Variants in ITGA2B observed in about 807,000 individuals in gnomAD.
ITGA2B encodes integrin subunit alpha 2b.
A neutral mutation model predicts 142.0 loss-of-function variants in ITGA2B; 91 were observed. The ratio of observed to expected loss-of-function variants is 0.64; its 90% CI spans 0.54 to 0.76. ITGA2B has a LOEUF of 0.76. Among genes scored for constraint, ITGA2B ranks in the 30% least tolerant of loss-of-function variants. The probability of loss-of-function intolerance (pLI) is 0.00; values close to 1 mark genes in which losing one functional copy is unlikely to be tolerated. For missense variants in ITGA2B, 1,231 were observed against 1,350.8 expected, an observed-to-expected ratio of 0.91 and a Z score of 1.39; for synonymous variants, 536 against 567.2, an observed-to-expected ratio of 0.94 and a Z score of 0.78.
Position 44,385,259 on chromosome 17 carries a change from C to G in ITGA2B, c.624+27G>C, listed in dbSNP as rs774154224. 58 of 1,613,652 alleles carry G rather than the reference C, an allele frequency of 3.6e-5. 1 individual carries two copies. The South Asian group carries it at 5.8e-4, about 16-fold the overall frequency. On this transcript the variant is annotated intron_variant, in intron 5 of 29. Transcript: ENST00000262407. The stretch of plus-strand genomic sequence containing the variant: ...GAGGGGGCCCTGTTTGGGAGCCGCC[C>G]CCACTGCGCTTTTGCTCCCTACTCG...
intron 1 of ITGA2B, 23 bp from the exon 2 acceptor site, chr17:44,386,154 C>T (rs1213191004): frequency 6.4e-7 from 1 of 1,572,440 alleles, no homozygotes; most frequent in South Asian, 1.1e-5. Context: ...GCTGGGTGAG[C>T]GCCGCGCAGA....
Position 44,377,017 on chromosome 17 carries a change from C to G in ITGA2B, c.2259G>C (p.Gln753His). The change falls in exon 22 of 30, where the codon CAG becomes CAC. Residue 753 changes from glutamine (Q) to histidine (H), a missense_variant. By Grantham distance (24) the Gln-to-His change is conservative. Transcript: ENST00000262407. ...GCTCGCCAGGTCAGTACCTCCGTATCTGCAGCTGGAAGGACACAGACTCCC... is the reference window on the plus strand; with the variant it reads ...GCTCGCCAGGTCAGTACCTCCGTATGTGCAGCTGGAAGGACACAGACTCCC... ...EAGESVSFQL[Q>H]IRSKNSQNPN... is the part of the protein sequence containing the mutation. 1 of 1,590,522 alleles carries G rather than the reference C, an allele frequency of 6.3e-7. No homozygotes were observed. Among genetic ancestry groups the G allele is most frequent in the Non-Finnish European group, 8.6e-7 (1 of 1,168,908 alleles).
chr17:44,383,448 G>T (rs1190896150), intron 12 of ITGA2B, 45 bp downstream of exon 12: 3 of 1,547,814 alleles, frequency 1.9e-6, no homozygotes, highest in Non-Finnish European at 1.7e-6. Flanking sequence ...TTTTTGAGTG[G>T]CTGTTAACCC....
At position 44,384,958 on chromosome 17, in the gene ITGA2B, G is replaced by A. The variant is rs758232967; in HGVS notation, c.789C>T (p.Asp263=). ...GAATGGCGGTGTTACCCCAGTAGCC[G>A]TCGAAGTACTCTGGGTTGCTGGAGT... ...SFDSSNPEYF[D]GYWGYSVAVG... Residue 263 remains aspartate (D), a synonymous_variant, in exon 7 of 30, where the codon GAC becomes GAT. Transcript: ENST00000262407. 5 of 1,614,020 alleles carry A rather than the reference G, an allele frequency of 3.1e-6. No homozygotes were observed. The African/African-American group carries it at 4.0e-5, about 13-fold the overall frequency.
At chr17:44,387,073 T>C (rs1359789611) in intron 1 of ITGA2B, among the ~76,000 whole-genome samples, 3 of 151,940 alleles carry the variant, frequency 2.0e-5, no homozygotes, top group East Asian at 3.9e-4. Context: ...TAATATTTTT[T>C]TAGCCTGCAG....
chr17:44,373,924 G>T (rs1001715074), intron 29 of ITGA2B: 203 of 179,902 alleles, frequency 1.1e-3, no homozygotes, highest in Admixed American at 1.4e-3. Flanking sequence ...TTTTTTTTTT[G>T]AGATGGAGGC....
intron 7 of ITGA2B, 107 bp downstream of exon 7, chr17:44,384,841 G>C (rs1405515505): frequency 1.9e-6 from 3 of 1,564,646 alleles, no homozygotes; most frequent in Middle Eastern, 2.2e-4. Flanking sequence ...TTAGGCGGTG[G>C]GTTGGCCGGC....
chr17:44,386,553 G>A (rs1322707394), intron 1 of ITGA2B, among the ~76,000 whole-genome samples: 3 of 152,188 alleles, frequency 2.0e-5, no homozygotes, highest in African/African-American at 7.2e-5. Flanking sequence ...ATGAGGGAAG[G>A]TAGCGGGTAC....
At chr17:44,388,250 G>A (rs2048666725) in intron 1 of ITGA2B, among the ~76,000 whole-genome samples, 1 of 151,974 alleles carries the variant, frequency 6.6e-6, no homozygotes, top group African/African-American at 2.4e-5. Flanking sequence ...TAATGTTGAT[G>A]GAGATGAGGG....
chr17:44,384,224 C>T (rs2048623016), intron 9 of ITGA2B, 86 bp from the exon 10 acceptor site: 2 of 513,498 alleles, frequency 3.9e-6, no homozygotes, highest in Non-Finnish European at 7.3e-6. Flanking sequence ...TTGGTGGAGG[C>T]GGGGCGGGGG....
rs1341368535 is a variant in ITGA2B, at chr17:44,384,252, T to G, written c.891+59A>C. The G allele has an allele frequency of 1.3e-5, 20 of 1,597,642 alleles. No homozygotes were observed. In the Admixed American group the frequency reaches 2.0e-4, roughly 16 times the overall value. ...GGCGGGGGTGGGGGGCGCTCAGGAG[T>G]TGTCAGCCTGAGAACTGGGATAAGG... On this transcript the variant is annotated intron_variant, in intron 9 of 29. Transcript: ENST00000262407.
At position 44,375,090 on chromosome 17, in the gene ITGA2B, T is replaced by C; in HGVS notation, c.2749A>G (p.Thr917Ala). The change falls in exon 27 of 30, where the codon ACT becomes GCT. Residue 917 changes from threonine to alanine, a missense_variant. By Grantham distance (58) the Thr-to-Ala change is moderately conservative (BLOSUM62 0). This residue lies in a region of ITGA2B where 908 missense variants were observed against 1,021.1 expected (regional missense o/e 0.89). Transcript: ENST00000262407. ...VLVSCDSAPC[T>A]VVQCDLQEMA... ...TCCTGCAGGTCACACTGCACCACAG[T>C]ACAGGGCGCCGAGTCGCAGCTCTGA... 6.5e-7 allele frequency: 1 copy of C among 1,549,070 alleles called. No individual in the cohort carries two copies. Among genetic ancestry groups the C allele is most frequent in the Middle Eastern group, 1.7e-4 (1 of 5,940 alleles).
At position 44,385,671 on chromosome 17, in the gene ITGA2B, C is replaced by T; in HGVS notation, c.454G>A (p.Glu152Lys). 3 of 1,613,778 alleles carry T rather than the reference C, an allele frequency of 1.9e-6. No individual in the cohort carries two copies. The highest frequency in any genetic ancestry group is 1.3e-5 in the African/African-American group (1 of 75,078). The change falls in exon 4 of 30, where the codon GAG becomes AAG. Residue 152 changes from glutamate (E) to lysine (K), a missense_variant. This residue lies in a region of ITGA2B where 318 missense variants were observed against 312.2 expected (regional missense o/e 1.02). Coordinates refer to ENST00000262407, the MANE Select transcript of ITGA2B (RefSeq NM_000419.5). Reference protein sequence around the residue: ...QHWNVLEKTEEAEKTPVGSCF... With the variant: ...QHWNVLEKTEKAEKTPVGSCF... ...CTACCTACGGGCGTCTTCTCAGCCT[C>T]CTCAGTCTTTTCTAGGACGTTCCAG... is the stretch of plus-strand genomic sequence containing the variant.
intron 8 of ITGA2B, 30 bp downstream of exon 8, chr17:44,384,508 C>T (rs1451660655): frequency 1.2e-6 from 2 of 1,613,862 alleles, no homozygotes; most frequent in East Asian, 4.5e-5. Context: ...GGCTGGGCTA[C>T]CCAACTCCCG....
intron 29 of ITGA2B, 25 bp downstream of exon 29, chr17:44,374,329 G>T: frequency 6.2e-7 from 1 of 1,601,070 alleles, no homozygotes; most frequent in Non-Finnish European, 8.6e-7. Context: ...CCCCGCTGGG[G>T]ACTCCACCGT....
At chr17:44,385,740 G>T in intron 3 of ITGA2B, 24 bp from the exon 4 acceptor site, 1 of 1,613,460 alleles carries the variant, frequency 6.2e-7, no homozygotes, top group Non-Finnish European at 8.5e-7. Context: ...ACAGGAGTGG[G>T]GACGGGCGCG....
intron 17 of ITGA2B, 35 bp downstream of exon 17, chr17:44,379,967 T>C (rs1598379469): frequency 6.2e-7 from 1 of 1,612,846 alleles, no homozygotes; most frequent in Non-Finnish European, 8.5e-7. Flanking sequence ...TAAGTTCTAC[T>C]CTCCCAGCCC....
In ITGA2B at chr17:44,377,691, G is replaced by A; in HGVS notation, c.2187+7C>T. The A allele has an allele frequency of 6.2e-7, 1 of 1,610,768 alleles. No individual in the cohort carries two copies. Among genetic ancestry groups the A allele is most frequent in the Non-Finnish European group, 8.5e-7 (1 of 1,177,706 alleles). On this transcript the variant is annotated splice_region_variant and intron_variant, in intron 21 of 29. Transcript: ENST00000262407. The stretch of plus-strand genomic sequence containing the variant: ...GGAGACCCGGTACCACGACCCAGCA[G>A]CCTCACCTGGGCGTTCTTCTTCATG...
In ITGA2B at chr17:44,389,612, A is replaced by G; in HGVS notation, c.-139T>C. On this transcript the variant is annotated 5_prime_UTR_variant, in exon 1 of 30. Transcript: ENST00000262407. ...AGCAACGGGCAGAGCAAAGGGCTAT[A>G]GCCCCTGGACTCATGGTGGCTAGAA... The G allele has an allele frequency of 1.0e-6, 1 of 959,534 alleles. No individual in the cohort carries two copies. The highest frequency in any genetic ancestry group is 1.6e-6 in the Non-Finnish European group (1 of 632,914). The allele number at this position is 959,534 out of a possible 1,614,324, so 59.4% of individuals were successfully genotyped here. A position where few individuals can be genotyped will look rare whatever the true frequency, so the allele number is the denominator to read the frequency against.
Sources: gnomAD v4.1 joint callset for allele counts (sites outside exome capture counted in the v4.1 genomes callset) on GRCh38, gnomAD v4.1.1 for gene constraint, gnomAD v4.1.1 regional missense constraint, MANE v1.5 for transcripts, NCBI Gene and HGNC (gene_info 2026-07-23, HGNC 2026-07-21) for gene names.